The following RGL1 variants were observed in gnomAD, a reference collection of about 807,000 sequenced individuals.
RGL1 encodes the protein ral guanine nucleotide dissociation stimulator-like 1.
A neutral mutation model predicts 95.2 loss-of-function variants in RGL1; 24 were observed. That is an observed-to-expected ratio of 0.25 (90% confidence interval 0.18 to 0.35). RGL1 has a LOEUF of 0.35. Ranked by LOEUF, RGL1 falls within the 10% of genes least tolerant of loss-of-function variation. The pLI is 1.00. For synonymous variants in RGL1, 329 were observed against 344.9 expected, an observed-to-expected ratio of 0.95 and a Z score of 0.51; for missense variants, 715 against 936.3, an observed-to-expected ratio of 0.76 and a Z score of 3.08.
At chr1:183,844,806 G>T (rs1479897114) in intron 2 of RGL1, among the ~76,000 whole-genome samples, 1 of 152,160 alleles carries the variant, frequency 6.6e-6, no homozygotes, top group East Asian at 1.9e-4. Flanking sequence ...GAGGCCTAAA[G>T]AAATGTTTGC....
In RGL1 at chr1:183,880,733, C is replaced by A. The variant is rs375574858; in HGVS notation, c.543C>A (p.Gly181=). The change falls in exon 5 of 18, where the codon GGC becomes GGA. Residue 181 remains glycine (G), a synonymous_variant. Coordinates refer to ENST00000360851, the MANE Select transcript of RGL1 (RefSeq NM_001297671.3). ...LLDYLTRMMP[G]SDPERRAQNL... ...ATTATCTCACACGGATGATGCCGGG[C>A]TCTGACCCAGAAAGAAGAGCACAAA... 3 of 1,613,936 alleles carry A rather than the reference C, an allele frequency of 1.9e-6. No homozygotes were observed.
At chr1:183,718,276 A>G (rs1420395144) in intron 1 of RGL1, among the ~76,000 whole-genome samples, 1 of 151,626 alleles carries the variant, frequency 6.6e-6, no homozygotes, top group Non-Finnish European at 1.5e-5. Flanking sequence ...TTGTTTATGT[A>G]TATTTTAAAT....
chr1:183,826,116 C>T (rs1335778444), intron 2 of RGL1, among the ~76,000 whole-genome samples: 2 of 151,028 alleles, frequency 1.3e-5, no homozygotes, highest in African/African-American at 2.4e-5. Context: ...TGCAGTGGTG[C>T]GATCTTGGCT....
intron 2 of RGL1, among the ~76,000 whole-genome samples, chr1:183,808,806 A>G (rs76954576): frequency 0.019 from 2,822 of 151,824 alleles, 85 homozygotes; most frequent in African/African-American, 0.062. Context: ...CAGAGAGGTT[A>G]AATTGTTTGC....
At chr1:183,687,418 CT>C (rs1653663105) in intron 1 of RGL1, among the ~76,000 whole-genome samples, 1 of 152,176 alleles carries the variant, frequency 6.6e-6, no homozygotes, top group African/African-American at 2.4e-5. Context: ...TTTCTCAGCG[CT>C]GTTTTGTATA....
chr1:183,641,847 T>C (rs1649947679), intron 1 of RGL1, among the ~76,000 whole-genome samples: 1 of 152,248 alleles, frequency 6.6e-6, no homozygotes. Context: ...ATTTGTTTGA[T>C]TGTCTTTCTC....
intron 1 of RGL1, among the ~76,000 whole-genome samples, chr1:183,688,022 AC>A (rs1198371729): frequency 6.6e-6 from 1 of 152,148 alleles, no homozygotes; most frequent in Non-Finnish European, 1.5e-5. Flanking sequence ...TGGCCACATG[AC>A]CTTGGATGTC....
chr1:183,907,725 C>T (rs992015500), intron 14 of RGL1, among the ~76,000 whole-genome samples: 1 of 152,218 alleles, frequency 6.6e-6, no homozygotes, highest in African/African-American at 2.4e-5. Context: ...GGAATGTAAG[C>T]AACCTGAGAA....
chr1:183,883,867 T>G lies in RGL1; in HGVS notation c.692T>G (p.Phe231Cys), dbSNP rs768416191. 2.5e-6 allele frequency: 4 copies of G among 1,614,078 alleles called. No individual in the cohort carries two copies. In the South Asian group the frequency reaches 4.4e-5, roughly 18 times the overall value. ...EGGESAEFTCFSEDLVAEQLT... is the reference protein window; with the variant it reads ...EGGESAEFTCCSEDLVAEQLT... Reference sequence around the variant, plus strand: ...GGAGAGTCAGCAGAATTCACGTGCTTCTCAGAAGATCTCGTGGCAGAGCAG... The same window carrying G: ...GGAGAGTCAGCAGAATTCACGTGCTGCTCAGAAGATCTCGTGGCAGAGCAG... The change falls in exon 6 of 18, where the codon TTC becomes TGC. Residue 231 changes from phenylalanine to cysteine, a missense_variant. Phe to Cys is a radical substitution (Grantham distance 205). This residue lies in a region of RGL1 where 381 missense variants were observed against 484.8 expected (regional missense o/e 0.79). Transcript: ENST00000360851.
intron 2 of RGL1, among the ~76,000 whole-genome samples, chr1:183,814,910 A>G (rs1661980340): frequency 6.6e-6 from 1 of 152,242 alleles, no homozygotes; most frequent in Non-Finnish European, 1.5e-5. Context: ...GTAGGTAAAA[A>G]TAACTGAAAC....
chr1:183,910,107 TC>T (rs1224543578), intron 14 of RGL1, among the ~76,000 whole-genome samples: 1 of 152,178 alleles, frequency 6.6e-6, no homozygotes, highest in Non-Finnish European at 1.5e-5. Flanking sequence ...CCTTCCTTCC[TC>T]ACTCGCTCTC....
intron 15 of RGL1, among the ~76,000 whole-genome samples, chr1:183,912,741 G>A (rs555641417): frequency 6.6e-6 from 1 of 152,362 alleles, no homozygotes; most frequent in South Asian, 2.1e-4. Flanking sequence ...CTAGGCCACA[G>A]ATTTGGTCCA....
intron 17 of RGL1, among the ~76,000 whole-genome samples, chr1:183,925,890 T>C (rs2102769515): frequency 6.6e-6 from 1 of 152,342 alleles, no homozygotes; most frequent in African/African-American, 2.4e-5. Context: ...AGCGAATTTC[T>C]AAAATCTCAT....
At chr1:183,767,686 C>G (rs955820504) in intron 2 of RGL1, among the ~76,000 whole-genome samples, 7 of 152,200 alleles carry the variant, frequency 4.6e-5, no homozygotes, top group Non-Finnish European at 1.0e-4. Flanking sequence ...GGTATGGTGG[C>G]TCACACCTGT....
chr1:183,648,092 A>G lies in RGL1; in HGVS notation c.-33+11591A>G. On this transcript the variant is annotated intron_variant, in intron 1 of 18. Transcript: ENST00000304685. ...AGTAAGGTTTTACGCCTGTTATGGC[A>G]TTGATTTCATATGCGTTGTGCCTGT... 1.2e-6 allele frequency: 2 copies of G among 1,614,234 alleles called. 1 individual carries two copies. The highest frequency in any genetic ancestry group is 2.2e-5 in the South Asian group (2 of 91,082).
At chr1:183,839,155 G>C (rs1289607736) in intron 2 of RGL1, among the ~76,000 whole-genome samples, 2 of 152,062 alleles carry the variant, frequency 1.3e-5, no homozygotes, top group African/African-American at 4.8e-5. Context: ...CTTAATTTTG[G>C]TACTCATCCA....
intron 9 of RGL1, among the ~76,000 whole-genome samples, chr1:183,896,658 A>G (rs1456830247): frequency 6.6e-6 from 1 of 152,210 alleles, no homozygotes; most frequent in African/African-American, 2.4e-5. Flanking sequence ...TGTAGAAGTT[A>G]TATACTACTG....
chr1:183,730,210 T>C (rs1375521235), intron 1 of RGL1, among the ~76,000 whole-genome samples: 2 of 152,180 alleles, frequency 1.3e-5, no homozygotes, highest in Admixed American at 1.3e-4. Context: ...GTTGACAATT[T>C]CTCCATAGTA....
intron 1 of RGL1, among the ~76,000 whole-genome samples, chr1:183,684,099 A>G (rs1477914489): frequency 1.3e-5 from 2 of 152,048 alleles, no homozygotes; most frequent in Non-Finnish European, 2.9e-5. Context: ...GCTTCCTTGC[A>G]TTGGATTAGA....
Sources: gnomAD v4.1 joint callset for allele counts (sites outside exome capture counted in the v4.1 genomes callset) on GRCh38, gnomAD v4.1.1 for gene constraint, gnomAD v4.1.1 regional missense constraint, MANE v1.5 for transcripts, NCBI Gene and HGNC (gene_info 2026-07-23, HGNC 2026-07-21) for gene names.